The following NUMA1 variants were observed in gnomAD, a reference collection of about 807,000 sequenced individuals.
NUMA1 encodes SP-H antigen.
NUMA1 carries 62 observed loss-of-function variants against 237.1 expected under a neutral mutation model. That is an observed-to-expected ratio of 0.26 (90% confidence interval 0.21 to 0.32). The LOEUF (loss-of-function observed/expected upper bound fraction) is 0.32, where lower values mean the gene tolerates loss of function less well. NUMA1 is among the 10% of genes least tolerant of loss of function. The pLI, the probability that NUMA1 is intolerant of heterozygous loss-of-function variation, is 1.00. For synonymous variants in NUMA1, 1,028 were observed against 1,066.1 expected, an observed-to-expected ratio of 0.96 and a Z score of 0.70; for missense variants, 2,533 against 2,666.5, an observed-to-expected ratio of 0.95 and a Z score of 1.10.
In NUMA1 at chr11:72,009,342, G is replaced by A; in HGVS notation, c.4765C>T (p.Leu1589Phe). 2 of 1,612,978 alleles carry A rather than the reference G, an allele frequency of 1.2e-6. No individual in the cohort carries two copies. The highest frequency in any genetic ancestry group is 8.5e-7 in the Non-Finnish European group (1 of 1,179,958). The change falls in exon 18 of 27, where the codon CTC becomes TTC. Residue 1589 changes from leucine (L) to phenylalanine (F), a missense_variant. Leu to Phe is a conservative substitution (Grantham distance 22). Transcript: ENST00000393695. ...GGESQQEAQR[L>F]QAQLNELQAQ... ...TGCAGTTCATTCAGCTGGGCCTGGAGGCGCTGGGCCTCCTGCTGGCTCTCG... is the reference window on the plus strand; with the variant it reads ...TGCAGTTCATTCAGCTGGGCCTGGAAGCGCTGGGCCTCCTGCTGGCTCTCG...
At chr11:72,054,194 G>T (rs1012301633) in intron 2 of NUMA1, among the ~76,000 whole-genome samples, 1 of 152,136 alleles carries the variant, frequency 6.6e-6, no homozygotes, top group African/African-American at 2.4e-5. Context: ...GGCTGGGCAC[G>T]GTGGCTCACG....
chr11:72,052,134 C>T (rs1197571317), intron 2 of NUMA1, among the ~76,000 whole-genome samples: 5 of 152,052 alleles, frequency 3.3e-5, no homozygotes, highest in South Asian at 4.1e-4. Context: ...GCATTACAGA[C>T]GTAGAGACAA....
chr11:72,018,507 T>C lies in NUMA1; in HGVS notation c.749A>G (p.Gln250Arg), dbSNP rs1161945896. Residue 250 changes from glutamine (Q) to arginine (R), a missense_variant, in exon 11 of 27, where the codon CAG (glutamine) becomes CGG (arginine). Coordinates refer to ENST00000393695, the MANE Select transcript of NUMA1 (RefSeq NM_006185.4). ...NRKLLTEKDA[Q>R]IAMMQQRIDR... is the part of the protein sequence containing the mutation. Reference sequence around the variant, plus strand: ...AATGCGCTGCTGCATCATGGCTATCTGTGCATCTGCCCAGAGTGGAGGGAG... The same window carrying C: ...AATGCGCTGCTGCATCATGGCTATCCGTGCATCTGCCCAGAGTGGAGGGAG... 1 of 1,613,726 alleles carries C rather than the reference T, an allele frequency of 6.2e-7. No homozygotes were observed. Among genetic ancestry groups the C allele is most frequent in the Non-Finnish European group, 8.5e-7 (1 of 1,179,752 alleles).
At chr11:72,019,081 T>G in intron 9 of NUMA1, 101 bp from the exon 10 acceptor site, 57 of 1,277,886 alleles carry the variant, frequency 4.5e-5, no homozygotes, top group Non-Finnish European at 5.7e-5. Flanking sequence ...AAGTGCGCAC[T>G]AGCAGCTGGG....
At chr11:72,011,023 C>T (rs1342194200) in intron 16 of NUMA1, among the ~76,000 whole-genome samples, 169 bp from the exon 17 acceptor site, 2 of 152,196 alleles carry the variant, frequency 1.3e-5, no homozygotes, top group Non-Finnish European at 2.9e-5. Context: ...GCCCAGGCTG[C>T]TTGGCAGGGC....
Position 72,003,543 on chromosome 11 carries a change from AAGAG to A in NUMA1, c.6337-9_6337-6del, listed in dbSNP as rs1470065870. The A allele has an allele frequency of 3.1e-6, 5 of 1,614,046 alleles. No individual in the cohort carries two copies. The highest frequency in any genetic ancestry group is 3.4e-6 in the Non-Finnish European group (4 of 1,180,016). On this transcript the variant is annotated splice_polypyrimidine_tract_variant and splice_region_variant and intron_variant, in intron 26 of 26. Coordinates refer to ENST00000393695, the MANE Select transcript of NUMA1 (RefSeq NM_006185.4). ...ACTGGCCCTTTAGTGCTTTGCCTGA[AAGAG>A]ACACAGTCACATGGCCAGATGAGAA...
At chr11:72,011,863 CTA>C (rs911386782) in intron 16 of NUMA1, among the ~76,000 whole-genome samples, 11 of 152,132 alleles carry the variant, frequency 7.2e-5, no homozygotes, top group Admixed American at 1.3e-4. Context: ...ACAGACATCT[CTA>C]TGCTGTGCTC....
chr11:72,007,325 G>A lies in NUMA1; in HGVS notation c.5327C>T (p.Thr1776Ile), dbSNP rs1955799267. 1.2e-6 allele frequency: 2 copies of A among 1,613,534 alleles called. No individual in the cohort carries two copies. The highest frequency in any genetic ancestry group is 1.7e-6 in the Non-Finnish European group (2 of 1,179,812). The change falls in exon 21 of 27, where the codon ACT (threonine) becomes ATT (isoleucine). Residue 1776 changes from threonine to isoleucine, a missense_variant. By Grantham distance (89) the Thr-to-Ile change is moderately conservative. Coordinates refer to ENST00000393695, the MANE Select transcript of NUMA1 (RefSeq NM_006185.4). Reference sequence around the variant, plus strand: ...GGCCTGACTCCGAGCAGGGATGGGAGTGAAGTAGAGACTCTCCAGGGATTC... The same window carrying A: ...GGCCTGACTCCGAGCAGGGATGGGAATGAAGTAGAGACTCTCCAGGGATTC... The part of the protein sequence containing the change: ...KVESLESLYF[T>I]PIPARSQAPL...
intron 20 of NUMA1, chr11:72,007,697 C>T: frequency 1.9e-6 from 1 of 525,106 alleles, no homozygotes; most frequent in African/African-American, 1.9e-5. Flanking sequence ...CCCATGGCTG[C>T]TTCACAGCAA....
chr11:72,073,559 CTT>C lies in NUMA1; in HGVS notation c.-102-3650_-102-3649del, dbSNP rs553688622. 4.2e-4 allele frequency among the ~76,000 whole-genome samples: 64 copies of C among 152,306 alleles called. 1 individual carries two copies. The highest frequency in any genetic ancestry group is 3.7e-3 in the South Asian group (18 of 4,826). On this transcript the variant is annotated intron_variant, in intron 1 of 26. Transcript: ENST00000393695. The stretch of plus-strand genomic sequence containing the variant: ...TCAAATATGGAGGAAGAACTACACA[CTT>C]TTAGCCAGGGGAGAACAAGAAAACT...
intron 22 of NUMA1, 117 bp from the exon 23 acceptor site, chr11:72,005,486 C>A: frequency 2.1e-6 from 2 of 958,250 alleles, no homozygotes; most frequent in Admixed American, 2.3e-5. Flanking sequence ...GCCCAGCACA[C>A]CAGTCTGATT....
chr11:72,003,928 T>C lies in NUMA1; in HGVS notation c.6295A>G (p.Thr2099Ala). The C allele has an allele frequency of 6.2e-7, 1 of 1,612,632 alleles. No homozygotes were observed. The highest frequency in any genetic ancestry group is 8.5e-7 in the Non-Finnish European group (1 of 1,179,578). The change falls in exon 26 of 27, where the codon ACT becomes GCT. Residue 2099 changes from threonine to alanine, a missense_variant. Physicochemically the swap from Thr to Ala is moderately conservative, Grantham distance 58. Coordinates refer to ENST00000393695, the MANE Select transcript of NUMA1 (RefSeq NM_006185.4). The stretch of plus-strand genomic sequence containing the variant: ...GGGGTGGCACCAATGGCGGCAGCAG[T>C]GGCGGCGCTGGCTGTGGTGGTGGCA... ...RIATTTASAA[T>A]AAAIGATPRA...
chr11:72,034,863 A>G (rs1198548748), intron 3 of NUMA1, among the ~76,000 whole-genome samples: 1 of 151,956 alleles, frequency 6.6e-6, no homozygotes, highest in Non-Finnish European at 1.5e-5. Flanking sequence ...TATTATTTTT[A>G]TATATATTTT....
chr11:72,040,895 A>G (rs1298673469), intron 2 of NUMA1: 5 of 151,824 alleles, frequency 3.3e-5, no homozygotes, highest in African/African-American at 1.2e-4. Context: ...CCCCTCGTCC[A>G]TGTTTGAACA....
chr11:72,023,079 G>C lies in NUMA1; in HGVS notation c.277C>G (p.Leu93Val). ...SAQKVLEGSE[L>V]ELAKMTMLLL... ...TCCATAGGTACCTTCGCCAGTTCCAGCTCTGATCCCTCTAGCACCTTCTGT... is the reference window on the plus strand; with the variant it reads ...TCCATAGGTACCTTCGCCAGTTCCACCTCTGATCCCTCTAGCACCTTCTGT... The change falls in exon 6 of 27, where the codon CTG becomes GTG. Residue 93 changes from leucine (L) to valine (V), a missense_variant. By Grantham distance (32) the Leu-to-Val change is conservative (BLOSUM62 1). This residue lies in a region of NUMA1 where 1,414 missense variants were observed against 1,508.1 expected (regional missense o/e 0.94). Coordinates refer to ENST00000393695, the MANE Select transcript of NUMA1 (RefSeq NM_006185.4). The C allele has an allele frequency of 6.2e-7, 1 of 1,613,652 alleles. No individual in the cohort carries two copies. The highest frequency in any genetic ancestry group is 8.5e-7 in the Non-Finnish European group (1 of 1,179,668).
chr11:72,034,665 G>A (rs975291617), intron 3 of NUMA1, among the ~76,000 whole-genome samples: 10 of 151,578 alleles, frequency 6.6e-5, no homozygotes, highest in Admixed American at 1.3e-4. Context: ...CCGAGATCAC[G>A]CCACTGCACT....
intron 2 of NUMA1, among the ~76,000 whole-genome samples, chr11:72,038,790 C>T (rs1166498055): frequency 6.6e-6 from 1 of 152,030 alleles, no homozygotes; most frequent in African/African-American, 2.4e-5. Context: ...CCCCGTCCCC[C>T]CCACAACCCT....
Position 72,004,716 on chromosome 11 carries a change from T to G in NUMA1, c.5930A>C (p.Glu1977Ala). ...RASMQPIQIA[E>A]GTGITTRQQR... ...CTGCCGGGTGGTGATGCCAGTGCCC[T>G]CGGCTATCTGGATTGGCTGCATGCT... is the stretch of plus-strand genomic sequence containing the variant. Residue 1977 changes from glutamate to alanine, a missense_variant, in exon 24 of 27, where the codon GAG becomes GCG. Glu to Ala is a moderately radical substitution (Grantham distance 107). Around this residue, in one of 3 missense-constraint regions of NUMA1, gnomAD observed 795 missense variants for 750.8 expected, o/e 1.06. Transcript: ENST00000393695. 6.2e-7 allele frequency: 1 copy of G among 1,613,752 alleles called. No homozygotes were observed. Among genetic ancestry groups the G allele is most frequent in the Non-Finnish European group, 8.5e-7 (1 of 1,179,914 alleles).
In NUMA1 at chr11:72,013,581, A is replaced by AAGCC; in HGVS notation, c.3918_3921dup (p.Ser1308GlyfsTer14). ...GTCAGCTCCTGCCGCAGGTTCTCTG[A>AAGCC]AGCCACCCGCTGTTTCTCAGCCTCC... On this transcript the variant is annotated frameshift_variant, in exon 15 of 27. Coordinates refer to ENST00000393695, the MANE Select transcript of NUMA1 (RefSeq NM_006185.4). LOFTEE classifies it high-confidence loss of function. The surrounding 1 kb of genome is among the most constrained non-coding windows in gnomAD (Gnocchi z 6.8). The AAGCC allele has an allele frequency of 6.2e-7, 1 of 1,612,744 alleles. No individual in the cohort carries two copies. Among genetic ancestry groups the AAGCC allele is most frequent in the Non-Finnish European group, 8.5e-7 (1 of 1,179,892 alleles).
Sources: allele counts gnomAD v4.1 joint callset (sites outside exome capture counted in the v4.1 genomes callset), GRCh38; gene constraint gnomAD v4.1.1; regional missense constraint gnomAD v4.1.1; non-coding constraint Gnocchi (gnomAD v3.1); transcripts MANE v1.5; gene names NCBI Gene and HGNC (gene_info 2026-07-23, HGNC 2026-07-21).